Variants in DEUP1 observed in about 807,000 individuals in gnomAD.
DEUP1 encodes the protein deuterosome assembly protein 1.
In DEUP1, 82 loss-of-function variants were observed where a neutral mutation model predicts 87.4. The observed-to-expected ratio is 0.94, with a 90% CI of 0.78 to 1.13. The LOEUF is 1.13. Ranked by LOEUF, DEUP1 falls within the 50% of genes most tolerant of loss-of-function variation. DEUP1 has a pLI of 0.00. For synonymous variants in DEUP1, 214 were observed against 222.7 expected, an observed-to-expected ratio of 0.96 and a Z score of 0.35; for missense variants, 663 against 681.5, an observed-to-expected ratio of 0.97 and a Z score of 0.30.
chr11:93,387,501 C>G (rs1388956185), intron 8 of DEUP1, among the ~76,000 whole-genome samples: 1 of 151,966 alleles, frequency 6.6e-6, no homozygotes, highest in Non-Finnish European at 1.5e-5. Context: ...AGTTATTAAA[C>G]TAATTTCATA....
At position 93,437,706 on chromosome 11, in the gene DEUP1, A is replaced by G; in HGVS notation, c.1802A>G (p.Asn601Ser). ...AATAAATACTCCAAGCTAAAACAAAATAGACACATATGAGCTTTTAAACTT... is the reference window on the plus strand; with the variant it reads ...AATAAATACTCCAAGCTAAAACAAAGTAGACACATATGAGCTTTTAAACTT... ...TLNKYSKLKQ[N>S]RHI Residue 601 changes from asparagine to serine, a missense_variant, in exon 14 of 14, where the codon AAT becomes AGT. Coordinates refer to ENST00000298050, the MANE Select transcript of DEUP1 (RefSeq NM_181645.4). 1 of 1,592,326 alleles carries G rather than the reference A, an allele frequency of 6.3e-7. No homozygotes were observed. Among genetic ancestry groups the G allele is most frequent in the Non-Finnish European group, 8.6e-7 (1 of 1,161,654 alleles).
At chr11:93,413,588 T>G (rs1277482814) in intron 12 of DEUP1, among the ~76,000 whole-genome samples, 2 of 152,292 alleles carry the variant, frequency 1.3e-5, no homozygotes, top group East Asian at 3.9e-4. Flanking sequence ...ATGAAAGATA[T>G]TTATTTAATC....
intron 9 of DEUP1, among the ~76,000 whole-genome samples, chr11:93,391,276 T>G (rs935241524): frequency 1.3e-5 from 2 of 152,122 alleles, no homozygotes; most frequent in Non-Finnish European, 2.9e-5. Flanking sequence ...TCATTTGGAG[T>G]TCAGGTAAAT....
rs10676823 is a variant in DEUP1, at chr11:93,437,752, C to T, written c.*33C>T. The stretch of plus-strand genomic sequence containing the variant: ...AACTTTTTTATTTGCTTCCCCCCCC[C>T]ACCCCCGCCAAGAAAAAAAGCTCTG... On this transcript the variant is annotated 3_prime_UTR_variant, in exon 14 of 14. Transcript: ENST00000298050. The T allele has an allele frequency of 1.4e-5, 15 of 1,052,718 alleles. 1 individual carries two copies. The East Asian group carries it at 2.7e-4, about 19-fold the overall frequency. The allele number at this position is 1,052,718 out of a possible 1,614,324, so 65.2% of individuals were successfully genotyped here. A position where few individuals can be genotyped will look rare whatever the true frequency, so the allele number is the denominator to read the frequency against.
intron 13 of DEUP1, among the ~76,000 whole-genome samples, chr11:93,415,739 A>G (rs1947598538): frequency 6.6e-6 from 1 of 151,920 alleles, no homozygotes. Flanking sequence ...GATATATATT[A>G]TTTTGTTTCT....
chr11:93,358,722 A>T (rs1323458513), intron 4 of DEUP1, among the ~76,000 whole-genome samples: 2 of 152,130 alleles, frequency 1.3e-5, no homozygotes, highest in African/African-American at 4.8e-5. Context: ...AGCTGGGATT[A>T]CAGGTGCGCA....
chr11:93,410,389 G>A (rs948833845), intron 12 of DEUP1, among the ~76,000 whole-genome samples: 1 of 152,172 alleles, frequency 6.6e-6, no homozygotes, highest in African/African-American at 2.4e-5. Context: ...ATGTGTCCAT[G>A]TGAAGATCTG....
At chr11:93,342,262 G>A (rs1449502820) in intron 2 of DEUP1, among the ~76,000 whole-genome samples, 3 of 152,136 alleles carry the variant, frequency 2.0e-5, no homozygotes, top group Admixed American at 1.3e-4. Context: ...AAATCCTGAC[G>A]GGGAAGCTCT....
At chr11:93,373,618 T>C (rs1945861064) in intron 7 of DEUP1, among the ~76,000 whole-genome samples, 1 of 43,746 alleles carries the variant, frequency 2.3e-5, no homozygotes, top group Non-Finnish European at 6.7e-5. Flanking sequence ...TATATGTATA[T>C]ATATACGTAT....
chr11:93,413,222 G>C lies in DEUP1; in HGVS notation c.1524-1778G>C, dbSNP rs114197964. Among the ~76,000 whole-genome samples, 1,055 of 148,698 alleles carry C rather than the reference G, an allele frequency of 7.1e-3. 16 individuals are homozygous for C. Among genetic ancestry groups the C allele is most frequent in the African/African-American group, 0.025 (1,022 of 40,562 alleles). On this transcript the variant is annotated intron_variant, in intron 12 of 13. Transcript: ENST00000298050. ...ATAATTTCAAATTGAAGGGATTTTCGTTTTGATGGTCTTTGATGATTTTTT... is the reference window on the plus strand; with the variant it reads ...ATAATTTCAAATTGAAGGGATTTTCCTTTTGATGGTCTTTGATGATTTTTT...
intron 7 of DEUP1, among the ~76,000 whole-genome samples, chr11:93,384,939 G>A (rs1287643853): frequency 6.6e-6 from 1 of 152,134 alleles, no homozygotes; most frequent in Admixed American, 6.5e-5. Flanking sequence ...AATGAATGAA[G>A]GAGGCCAGGC....
intron 13 of DEUP1, among the ~76,000 whole-genome samples, chr11:93,430,427 A>G (rs924669026): frequency 6.6e-6 from 1 of 152,230 alleles, no homozygotes; most frequent in Non-Finnish European, 1.5e-5. Context: ...AAAAAAGGCC[A>G]AAAATTACTA....
intron 2 of DEUP1, chr11:93,352,158 T>C (rs956577709): frequency 2.0e-6 from 1 of 508,032 alleles, no homozygotes; most frequent in Admixed American, 3.2e-5. Flanking sequence ...TGAAACTAAA[T>C]GGAGGAAATG....
chr11:93,415,102 T>C lies in DEUP1; in HGVS notation c.1626T>C (p.Asp542=), dbSNP rs1947568000. ...CAAGTCCTTTGGTTAGTGATGATGA[T>C]GTATTCCCACTGGTGAGTTGCTGGT... The part of the protein sequence containing the change: ...EMTSPLVSDD[D]VFPLSPPDMS... Residue 542 remains aspartate, a synonymous_variant, in exon 13 of 14, where the codon GAT becomes GAC. Transcript: ENST00000298050. The C allele has an allele frequency of 6.2e-7, 1 of 1,609,198 alleles. No homozygotes were observed. Among genetic ancestry groups the C allele is most frequent in the Non-Finnish European group, 8.5e-7 (1 of 1,176,730 alleles).
chr11:93,371,544 C>A (rs1465830160), intron 7 of DEUP1, among the ~76,000 whole-genome samples: 1 of 152,072 alleles, frequency 6.6e-6, no homozygotes, highest in Non-Finnish European at 1.5e-5. Flanking sequence ...CACTTACGGA[C>A]CTCTATGCCT....
At chr11:93,431,095 C>CAAA (rs10534401) in intron 13 of DEUP1, among the ~76,000 whole-genome samples, 13 of 112,588 alleles carry the variant, frequency 1.2e-4, no homozygotes, top group East Asian at 5.0e-4. Flanking sequence ...AACACTGTCT[C>CAAA]AAAAAAAAAA....
chr11:93,402,353 A>G (rs754815505), intron 11 of DEUP1, among the ~76,000 whole-genome samples: 11 of 152,098 alleles, frequency 7.2e-5, no homozygotes, highest in Non-Finnish European at 1.3e-4. Flanking sequence ...AAGACAGGTA[A>G]TAATGGATGC....
At chr11:93,358,357 T>C (rs1309279922) in intron 4 of DEUP1, among the ~76,000 whole-genome samples, 1 of 152,182 alleles carries the variant, frequency 6.6e-6, no homozygotes, top group African/African-American at 2.4e-5. Flanking sequence ...AACCAAAAAA[T>C]ATCTTTATGG....
At position 93,437,752 on chromosome 11, in the gene DEUP1, C is replaced by CCCG. The variant is rs375443728; in HGVS notation, c.*33_*34insCCG. ...AACTTTTTTATTTGCTTCCCCCCCC[C>CCCG]ACCCCCGCCAAGAAAAAAAGCTCTG... On this transcript the variant is annotated 3_prime_UTR_variant, in exon 14 of 14. Coordinates refer to ENST00000298050, the MANE Select transcript of DEUP1 (RefSeq NM_181645.4). 5.7e-6 allele frequency: 6 copies of CCCG among 1,052,810 alleles called. No homozygotes were observed. Among genetic ancestry groups the CCCG allele is most frequent in the Middle Eastern group, 3.3e-4 (1 of 3,024 alleles). The allele number at this position is 1,052,810 out of a possible 1,614,324, so 65.2% of individuals were successfully genotyped here. A position where few individuals can be genotyped will look rare whatever the true frequency, so the allele number is the denominator to read the frequency against.
Sources: gnomAD v4.1 joint callset for allele counts (sites outside exome capture counted in the v4.1 genomes callset) on GRCh38, gnomAD v4.1.1 for gene constraint, MANE v1.5 for transcripts, NCBI Gene and HGNC (gene_info 2026-07-23, HGNC 2026-07-21) for gene names.